Variants in NUP85 observed in about 807,000 individuals in gnomAD.
NUP85 encodes nuclear pore complex protein Nup85.
NUP85 carries 23 observed loss-of-function variants against 92.8 expected under a neutral mutation model. The ratio of observed to expected loss-of-function variants is 0.25; its 90% confidence interval spans 0.18 to 0.35. The LOEUF is 0.35. Among genes scored for constraint, NUP85 ranks in the 10% least tolerant of loss-of-function variants. The pLI, the probability that NUP85 is intolerant of heterozygous loss-of-function variation, is 1.00. For synonymous variants in NUP85, 314 were observed against 306.9 expected (o/e 1.02, Z -0.24); for missense variants, 759 against 822.8 (o/e 0.92, Z 0.95).
chr17:75,207,095 C>T (rs929102914), intron 1 of NUP85, among the ~76,000 whole-genome samples: 1 of 151,858 alleles, frequency 6.6e-6, no homozygotes. Flanking sequence ...TTTATAGGGG[C>T]GATGTGTATC....
chr17:75,235,344 C>G (rs953411970), intron 18 of NUP85, 143 bp downstream of exon 18: 4 of 632,250 alleles, frequency 6.3e-6, no homozygotes, highest in Non-Finnish European at 1.1e-5. Flanking sequence ...ATTCACACAC[C>G]ACCTTCTTTT....
Position 75,226,055 on chromosome 17 carries a change from G to A in NUP85, c.992G>A (p.Ser331Asn). The change falls in exon 11 of 19, where the codon AGC (serine) becomes AAC (asparagine). Residue 331 changes from serine (S) to asparagine (N), a missense_variant. By Grantham distance (46) the Ser-to-Asn change is conservative. Coordinates refer to ENST00000245544, the MANE Select transcript of NUP85 (RefSeq NM_024844.5). ...PIDLHYYAQS[S>N]LDLFLGGESS... ...TGTCTCATCACCTTTCCACAGTCCAGCCTGGACCTGTTTCTGGGAGGTGAG... is the reference window on the plus strand; with the variant it reads ...TGTCTCATCACCTTTCCACAGTCCAACCTGGACCTGTTTCTGGGAGGTGAG... The A allele has an allele frequency of 6.2e-7, 1 of 1,614,134 alleles. No individual in the cohort carries two copies. Among genetic ancestry groups the A allele is most frequent in the Non-Finnish European group, 8.5e-7 (1 of 1,180,018 alleles).
At chr17:75,219,176 CA>C (rs911190501) in intron 7 of NUP85, among the ~76,000 whole-genome samples, 1 of 149,142 alleles carries the variant, frequency 6.7e-6, no homozygotes, top group Non-Finnish European at 1.5e-5. Flanking sequence ...ATTGTGAGGA[CA>C]AAAAAAAAGA....
At chr17:75,209,797 A>G (rs2075201862) in intron 2 of NUP85, 26 bp from the exon 3 acceptor site, 1 of 1,564,426 alleles carries the variant, frequency 6.4e-7, no homozygotes, top group Non-Finnish European at 8.6e-7. Context: ...ATAGATGTTA[A>G]ATTTTTTTTT....
chr17:75,218,217 G>A lies in NUP85; in HGVS notation c.508G>A (p.Val170Ile), dbSNP rs554489095. 177 of 1,614,004 alleles carry A rather than the reference G, an allele frequency of 1.1e-4. No individual in the cohort carries two copies. Among genetic ancestry groups the A allele is most frequent in the Admixed American group, 7.8e-4 (47 of 60,004 alleles). The change falls in exon 7 of 19, where the codon GTC (valine) becomes ATC (isoleucine). Residue 170 changes from valine (V) to isoleucine (I), a missense_variant. Coordinates refer to ENST00000245544, the MANE Select transcript of NUP85 (RefSeq NM_024844.5). ...GPLLLHLLDWVRLHVCEVDSL... is the reference protein window; with the variant it reads ...GPLLLHLLDWIRLHVCEVDSL... ...TCTCCTCCTCCATCTCCTTGACTGG[G>A]TCCGGCTCCATGTGTGCGAGGTGGA...
chr17:75,230,337 G>A (rs2075998361), intron 11 of NUP85, among the ~76,000 whole-genome samples: 1 of 149,856 alleles, frequency 6.7e-6, no homozygotes, highest in Non-Finnish European at 1.5e-5. Flanking sequence ...CACTGCACCC[G>A]GCCAAGGTGT....
chr17:75,211,840 C>T, intron 3 of NUP85, 152 bp from the exon 4 acceptor site: 2 of 619,890 alleles, frequency 3.2e-6, no homozygotes, highest in East Asian at 2.8e-5. Flanking sequence ...TTTTGTTGTC[C>T]AAGTTGTTCC....
At chr17:75,215,093 C>T (rs1220375744) in intron 5 of NUP85, among the ~76,000 whole-genome samples, 2 of 152,184 alleles carry the variant, frequency 1.3e-5, no homozygotes, top group Non-Finnish European at 2.9e-5. Context: ...ATCACTTGAA[C>T]CCGGGAGGCG....
At position 75,225,561 on chromosome 17, in the gene NUP85, G is replaced by A. The variant is rs1014121599; in HGVS notation, c.855+97G>A. On this transcript the variant is annotated intron_variant, in intron 9 of 18. Coordinates refer to ENST00000245544, the MANE Select transcript of NUP85 (RefSeq NM_024844.5). ...CAGGAGCTTGGTCCTCCTTGGATAG[G>A]GCTGTCTGTCGCTCTGCCGTGATGG... 8 of 1,573,900 alleles carry A rather than the reference G, an allele frequency of 5.1e-6. No individual in the cohort carries two copies. The East Asian group carries it at 9.0e-5, about 18-fold the overall frequency.
intron 10 of NUP85, 45 bp downstream of exon 10, chr17:75,225,874 G>A (rs2075773749): frequency 1.2e-6 from 2 of 1,611,346 alleles, no homozygotes; most frequent in Non-Finnish European, 1.7e-6. Context: ...GGAGTCCTGG[G>A]GGCGCCCTGA....
At chr17:75,213,862 G>GGTTTTTTT (rs1568071585) in intron 5 of NUP85, among the ~76,000 whole-genome samples, 1 of 122,014 alleles carries the variant, frequency 8.2e-6, no homozygotes, top group Non-Finnish European at 1.7e-5. Flanking sequence ...CAAAACTCAA[G>GGTTTTTTT]TTTTTTTTTT....
chr17:75,229,438 C>A (rs550387855), intron 11 of NUP85, among the ~76,000 whole-genome samples: 1 of 152,180 alleles, frequency 6.6e-6, no homozygotes, highest in Non-Finnish European at 1.5e-5. Context: ...GTCTTCCCAA[C>A]TCCGCAGCGT....
chr17:75,233,416 T>C (rs1441110765), intron 16 of NUP85, among the ~76,000 whole-genome samples: 2 of 129,580 alleles, frequency 1.5e-5, no homozygotes, highest in Non-Finnish European at 3.1e-5. Flanking sequence ...TTTCTTTCTT[T>C]CTTCTTTTCT....
chr17:75,213,482 G>C (rs1455703457), intron 5 of NUP85, among the ~76,000 whole-genome samples: 1 of 151,792 alleles, frequency 6.6e-6, no homozygotes, highest in African/African-American at 2.4e-5. Context: ...TAGTAGAGAT[G>C]GGGTTTCACC....
At chr17:75,233,721 C>T (rs557150480) in intron 16 of NUP85, among the ~76,000 whole-genome samples, 3 of 152,196 alleles carry the variant, frequency 2.0e-5, no homozygotes, top group Admixed American at 2.0e-4. Flanking sequence ...GCCTCAGCCT[C>T]CCAAGTAGCT....
At chr17:75,230,157 C>T (rs549398581) in intron 11 of NUP85, among the ~76,000 whole-genome samples, 1 of 151,800 alleles carries the variant, frequency 6.6e-6, no homozygotes, top group African/African-American at 2.4e-5. Context: ...GATCTTCTGC[C>T]TCAGCCTTCC....
chr17:75,225,920 G>C, intron 10 of NUP85, 91 bp downstream of exon 10: 1 of 1,596,728 alleles, frequency 6.3e-7, no homozygotes, highest in African/African-American at 1.3e-5. Flanking sequence ...CTGAGGAACA[G>C]GAAGACCCTT....
At chr17:75,229,169 G>C (rs2075943702) in intron 11 of NUP85, 1 of 985,194 alleles carries the variant, frequency 1.0e-6, no homozygotes, top group African/African-American at 1.7e-5. Context: ...AAGAGTTCCA[G>C]CTTAATGTCT....
chr17:75,218,948 A>C (rs2075518115), intron 7 of NUP85, among the ~76,000 whole-genome samples: 1 of 152,020 alleles, frequency 6.6e-6, no homozygotes, highest in African/African-American at 2.4e-5. Context: ...GCTGGGGTGC[A>C]TACAGGGTTG....
Sources: gnomAD v4.1 joint callset for allele counts (sites outside exome capture counted in the v4.1 genomes callset) on GRCh38, gnomAD v4.1.1 for gene constraint, MANE v1.5 for transcripts, NCBI Gene and HGNC (gene_info 2026-07-23, HGNC 2026-07-21) for gene names.